Variants in TAF2 observed in about 807,000 individuals in gnomAD.
TAF2 encodes TATA-box binding protein associated factor 2.
A neutral mutation model predicts 138.5 loss-of-function variants in TAF2; 61 were observed. The ratio of observed to expected loss-of-function variants is 0.44; its 90% CI spans 0.36 to 0.54. The LOEUF (loss-of-function observed/expected upper bound fraction) is 0.54, where lower values mean the gene tolerates loss of function less well. Among genes scored for constraint, TAF2 ranks in the 20% least tolerant of loss-of-function variants. TAF2 has a pLI of 0.00. For synonymous variants in TAF2, 475 were observed against 469.9 expected (o/e 1.01, Z -0.14); for missense variants, 1,090 against 1,427.9 (o/e 0.76, Z 3.81).
intron 2 of TAF2, among the ~76,000 whole-genome samples, chr8:119,826,417 T>C (rs899595914): frequency 6.6e-6 from 1 of 152,132 alleles, no homozygotes; most frequent in African/African-American, 2.4e-5. Context: ...GAACTGTGAG[T>C]TCTCCATTAA....
chr8:119,816,662 T>C (rs1200679527), intron 3 of TAF2, among the ~76,000 whole-genome samples: 4 of 152,206 alleles, frequency 2.6e-5, no homozygotes, highest in Admixed American at 2.6e-4. Context: ...CAAAGTTCTC[T>C]TTAAAAATAA....
At chr8:119,766,159 G>A (rs1470090016) in intron 18 of TAF2, among the ~76,000 whole-genome samples, 1 of 152,130 alleles carries the variant, frequency 6.6e-6, no homozygotes, top group East Asian at 1.9e-4. Flanking sequence ...TAGCGATTTA[G>A]GAATCTATTG....
chr8:119,751,290 G>GC (rs958980429), intron 22 of TAF2, among the ~76,000 whole-genome samples: 1 of 152,144 alleles, frequency 6.6e-6, no homozygotes, highest in African/African-American at 2.4e-5. Context: ...CCTGGTTCTA[G>GC]CAACACCTGT....
At position 119,755,779 on chromosome 8, in the gene TAF2, A is replaced by G. The variant is rs1043306217; in HGVS notation, c.2878+227T>C. On this transcript the variant is annotated intron_variant, in intron 22 of 25. Coordinates refer to ENST00000378164, the MANE Select transcript of TAF2 (RefSeq NM_003184.4). ...AGCACCTTAACCATTTGACACTTTC[A>G]TACAAATAAAGAGTTTTGTTTCCTC... is the stretch of plus-strand genomic sequence containing the variant. Among the ~76,000 whole-genome samples, 7 of 152,164 alleles carry G rather than the reference A, an allele frequency of 4.6e-5. No homozygotes were observed. The South Asian group carries it at 1.0e-3, about 23-fold the overall frequency.
chr8:119,784,750 A>G (rs558888926), intron 15 of TAF2, among the ~76,000 whole-genome samples: 1 of 152,208 alleles, frequency 6.6e-6, no homozygotes, highest in African/African-American at 2.4e-5. Flanking sequence ...GGGAGACTTA[A>G]GGCACCCAAG....
chr8:119,805,220 T>C (rs1329989654), intron 4 of TAF2, among the ~76,000 whole-genome samples: 1 of 152,176 alleles, frequency 6.6e-6, no homozygotes, highest in East Asian at 1.9e-4. Context: ...GAACCATGTG[T>C]TTTAGCTTTA....
At position 119,832,494 on chromosome 8, in the gene TAF2, C is replaced by A. The variant is rs1826526283; in HGVS notation, c.71G>T (p.Arg24Met). The change falls in exon 1 of 26, where the codon AGG (arginine) becomes ATG (methionine). Residue 24 changes from arginine to methionine, a missense_variant. This residue lies in a region of TAF2 where 504 missense variants were observed against 680.9 expected (regional missense o/e 0.74). Transcript: ENST00000378164. Reference protein sequence around the residue: ...KKGDKGFESPRPYKLTHQVVC... With the variant: ...KKGDKGFESPMPYKLTHQVVC... ...AAAAAATACTTATAATTTATATGGC[C>A]TTGGGCTTTCAAAGCCCTTGTCTCC... 1 of 1,613,722 alleles carries A rather than the reference C, an allele frequency of 6.2e-7. No homozygotes were observed. The highest frequency in any genetic ancestry group is 1.1e-5 in the South Asian group (1 of 91,082).
Position 119,746,904 on chromosome 8 carries a change from C to A in TAF2, c.2909G>T (p.Gly970Val). 3 of 1,614,090 alleles carry A rather than the reference C, an allele frequency of 1.9e-6. No individual in the cohort carries two copies. The highest frequency in any genetic ancestry group is 2.5e-6 in the Non-Finnish European group (3 of 1,180,012). The change falls in exon 23 of 26, where the codon GGT becomes GTT. Residue 970 changes from glycine (G) to valine (V), a missense_variant. Coordinates refer to ENST00000378164, the MANE Select transcript of TAF2 (RefSeq NM_003184.4). Reference protein sequence around the residue: ...GTSHDWRLRCGAVDLYFTLFG... With the variant: ...GTSHDWRLRCVAVDLYFTLFG... The stretch of plus-strand genomic sequence containing the variant: ...AAGTGTGAAGTACAAGTCCACAGCA[C>A]CACACCGTAACCTCCAGTCATGTGA...
chr8:119,746,560 A>G, intron 23 of TAF2, 145 bp downstream of exon 23: 1 of 831,242 alleles, frequency 1.2e-6, no homozygotes, highest in Non-Finnish European at 2.0e-6. Flanking sequence ...GCACAGTACT[A>G]ATCAAATGTC....
chr8:119,809,050 C>A (rs1477145709), intron 3 of TAF2, among the ~76,000 whole-genome samples: 1 of 152,188 alleles, frequency 6.6e-6, no homozygotes, highest in Admixed American at 6.5e-5. Flanking sequence ...GCACTGACTT[C>A]TTTTTAGCTG....
intron 25 of TAF2, among the ~76,000 whole-genome samples, chr8:119,736,894 G>A (rs1270810984): frequency 1.3e-5 from 2 of 152,046 alleles, no homozygotes; most frequent in Non-Finnish European, 2.9e-5. Flanking sequence ...TACATCATGG[G>A]TATAAAATTA....
rs780666237 is a variant in TAF2, at chr8:119,832,604, G to T, written c.-40C>A. 3 of 1,590,286 alleles carry T rather than the reference G, an allele frequency of 1.9e-6. No individual in the cohort carries two copies. The highest frequency in any genetic ancestry group is 2.2e-5 in the East Asian group (1 of 44,800). ...GAGCTTGGCTTCCCGGCTTCCTAGG[G>T]GGATACGGGGCATTACTAGTCTTTG... On this transcript the variant is annotated 5_prime_UTR_variant, in exon 1 of 26. Transcript: ENST00000378164.
At position 119,832,709 on chromosome 8, in the gene TAF2, G is replaced by A. The variant is rs565084438; in HGVS notation, c.-145C>T. 745 of 663,804 alleles carry A rather than the reference G, an allele frequency of 1.1e-3. 3 individuals are homozygous for A. Among genetic ancestry groups the A allele is most frequent in the Middle Eastern group, 4.6e-3 (11 of 2,378 alleles). The allele number at this position is 663,804 out of a possible 1,614,324, so 41.1% of individuals were successfully genotyped here. A position where few individuals can be genotyped will look rare whatever the true frequency, so the allele number is the denominator to read the frequency against. ...CGGTGCCCAGGTGAGCGACCTGACG[G>A]GTCGCTGCCCGCCTCAACCTCGCTC... On this transcript the variant is annotated 5_prime_UTR_variant, in exon 1 of 26. Coordinates refer to ENST00000378164, the MANE Select transcript of TAF2 (RefSeq NM_003184.4).
intron 12 of TAF2, 24 bp from the exon 13 acceptor site, chr8:119,788,928 T>G: frequency 6.8e-7 from 1 of 1,469,094 alleles, no homozygotes; most frequent in Non-Finnish European, 9.5e-7. Context: ...AAGGAAAGTT[T>G]ACATACTGAA....
intron 2 of TAF2, among the ~76,000 whole-genome samples, chr8:119,828,114 G>A (rs763189393): frequency 3.9e-5 from 6 of 152,096 alleles, no homozygotes; most frequent in Non-Finnish European, 8.8e-5. Flanking sequence ...CTGACCTCAG[G>A]TGATCCATCC....
intron 7 of TAF2, 104 bp downstream of exon 7, chr8:119,797,558 C>A: frequency 1.7e-6 from 2 of 1,206,624 alleles, no homozygotes; most frequent in Non-Finnish European, 2.4e-6. Context: ...ATCCAAATTG[C>A]GGAAAAAAGT....
chr8:119,745,682 T>C (rs1009480120), intron 23 of TAF2, among the ~76,000 whole-genome samples: 5 of 152,066 alleles, frequency 3.3e-5, no homozygotes, highest in Non-Finnish European at 7.4e-5. Flanking sequence ...TCAGGAAAAA[T>C]TTATTTAAAT....
Position 119,756,134 on chromosome 8 carries a change from T to C in TAF2, c.2769-19A>G, listed in dbSNP as rs557787344. 1 of 1,600,592 alleles carries C rather than the reference T, an allele frequency of 6.2e-7. No homozygotes were observed. The highest frequency in any genetic ancestry group is 2.2e-5 in the East Asian group (1 of 44,648). On this transcript the variant is annotated intron_variant, in intron 21 of 25. Coordinates refer to ENST00000378164, the MANE Select transcript of TAF2 (RefSeq NM_003184.4). The stretch of plus-strand genomic sequence containing the variant: ...CTTATGCCTGAAAGATTAAAAAAAA[T>C]TAAATTTTTGCTGACCTTTTACTGA...
intron 2 of TAF2, among the ~76,000 whole-genome samples, chr8:119,823,780 C>G (rs145841428): frequency 5.9e-5 from 9 of 152,216 alleles, no homozygotes; most frequent in Middle Eastern, 3.4e-3. Flanking sequence ...CAGGAAAATG[C>G]GGGAAAGTTT....
Sources: gnomAD v4.1 joint callset for allele counts (sites outside exome capture counted in the v4.1 genomes callset) on GRCh38, gnomAD v4.1.1 for gene constraint, gnomAD v4.1.1 regional missense constraint, MANE v1.5 for transcripts, NCBI Gene and HGNC (gene_info 2026-07-23, HGNC 2026-07-21) for gene names.